Variants in PTPRT observed in about 807,000 individuals in gnomAD.
The protein encoded by PTPRT is receptor-type tyrosine-protein phosphatase T.
PTPRT carries 56 observed loss-of-function variants against 176.8 expected under a neutral mutation model. The observed-to-expected ratio is 0.32, with a 90% confidence interval of 0.26 to 0.40. PTPRT has a LOEUF of 0.40. Among genes scored for constraint, PTPRT ranks in the 10% least tolerant of loss-of-function variants. The probability of loss-of-function intolerance (pLI) is 1.00; values close to 1 mark genes in which losing one functional copy is unlikely to be tolerated. For missense variants in PTPRT, 1,540 were observed against 1,908.2 expected (o/e 0.81, Z 3.60); for synonymous variants, 783 against 739.0 (o/e 1.06, Z -0.96).
intron 14 of PTPRT, among the ~76,000 whole-genome samples, chr20:42,248,476 G>A (rs1362188854): frequency 6.6e-6 from 1 of 152,102 alleles, no homozygotes; most frequent in African/African-American, 2.4e-5. Context: ...ATAAGAAAAT[G>A]GCCACCTCAG....
intron 5 of PTPRT, among the ~76,000 whole-genome samples, chr20:42,769,673 T>G (rs2077034662): frequency 6.6e-6 from 1 of 152,194 alleles, no homozygotes; most frequent in Non-Finnish European, 1.5e-5. Context: ...GACTCACACA[T>G]GCAGGCTCCC....
chr20:42,099,926 C>T (rs1175029923), intron 26 of PTPRT, among the ~76,000 whole-genome samples: 1 of 152,200 alleles, frequency 6.6e-6, no homozygotes, highest in Non-Finnish European at 1.5e-5. Context: ...AACTCTCTAG[C>T]TGTAGACAGC....
At chr20:42,694,734 T>TTTCACTGTGGTTTTAATTTA (rs2075847182) in intron 6 of PTPRT, among the ~76,000 whole-genome samples, 1 of 152,198 alleles carries the variant, frequency 6.6e-6, no homozygotes, top group Admixed American at 6.5e-5. Context: ...TGTAGTGATG[T>TTTCACTGTGGTTTTAATTTA]TTCACTGTGG....
intron 7 of PTPRT, among the ~76,000 whole-genome samples, chr20:42,565,369 A>G (rs2073020598): frequency 6.6e-6 from 1 of 152,148 alleles, no homozygotes; most frequent in Non-Finnish European, 1.5e-5. Context: ...CCCAGGGAGC[A>G]ATTATATTCC....
intron 15 of PTPRT, among the ~76,000 whole-genome samples, chr20:42,205,810 T>C (rs1448550687): frequency 6.6e-6 from 1 of 151,972 alleles, no homozygotes; most frequent in Non-Finnish European, 1.5e-5. Flanking sequence ...ATCTCAGCCA[T>C]AGGAAGTGGA....
At chr20:42,685,141 C>G (rs2075671014) in intron 6 of PTPRT, among the ~76,000 whole-genome samples, 1 of 152,152 alleles carries the variant, frequency 6.6e-6, no homozygotes, top group African/African-American at 2.4e-5. Flanking sequence ...CACAAAAGGT[C>G]TTAAGGGGGA....
rs1568652536 is a variant in PTPRT at position 42,184,597 on chromosome 20, CTTCTTCTTCTTCTTCTT to C, written c.2491+14626_2491+14642del. ...TCTTCTTCTTCTTCTTCTTCTTCCT[CTTCTTCTTCTTCTTCTT>C]CTCCTCCTTCTTCTCCTTCTCTCTC... On this transcript the variant is annotated intron_variant, in intron 16 of 30. Coordinates refer to ENST00000373187, the MANE Select transcript of PTPRT (RefSeq NM_007050.6). Among the ~76,000 whole-genome samples the C allele has an allele frequency of 1.0e-3, 145 of 144,574 alleles. 1 individual carries two copies. Among genetic ancestry groups the C allele is most frequent in the African/African-American group, 3.4e-3 (133 of 38,622 alleles). The allele number at this position is 144,574 out of a possible 152,430, so 94.8% of individuals were successfully genotyped here.
Position 42,077,531 on chromosome 20 carries a change from C to T in PTPRT, c.*3348G>A, listed in dbSNP as rs72626509. 13,143 of 219,186 alleles carry T rather than the reference C, an allele frequency of 0.06. 916 individuals are homozygous for T. Among genetic ancestry groups the T allele is most frequent in the East Asian group, 0.23 (3,514 of 15,058 alleles). 13.6% of individuals were successfully genotyped at this position (219,186 alleles called of 1,614,324 possible). On this transcript the variant is annotated 3_prime_UTR_variant, in exon 31 of 31. Coordinates refer to ENST00000373187, the MANE Select transcript of PTPRT (RefSeq NM_007050.6). ...AAATGGGGTGGGGTGGGGAGACCCCCTGGGGGTGGTGGTGTTGGCTCCGGA... is the reference window on the plus strand; with the variant it reads ...AAATGGGGTGGGGTGGGGAGACCCCTTGGGGGTGGTGGTGTTGGCTCCGGA...
intron 1 of PTPRT, among the ~76,000 whole-genome samples, chr20:43,032,473 T>TAAAAA (rs375146456): frequency 5.2e-4 from 63 of 121,654 alleles, no homozygotes; most frequent in African/African-American, 1.8e-3. Context: ...ATCTTTTCAT[T>TAAAAA]AAAAAAAAAA....
chr20:42,528,921 C>G (rs2072327424), intron 7 of PTPRT, among the ~76,000 whole-genome samples: 1 of 152,206 alleles, frequency 6.6e-6, no homozygotes, highest in African/African-American at 2.4e-5. Context: ...GTGCATCTCA[C>G]CTGTCAGACT....
At chr20:42,855,826 G>A (rs1411766141) in intron 2 of PTPRT, among the ~76,000 whole-genome samples, 1 of 152,126 alleles carries the variant, frequency 6.6e-6, no homozygotes, top group Non-Finnish European at 1.5e-5. Context: ...CTAATTTGAA[G>A]AGAACAAATT....
chr20:42,324,736 G>A (rs1372396418), intron 11 of PTPRT, among the ~76,000 whole-genome samples: 1 of 152,176 alleles, frequency 6.6e-6, no homozygotes, highest in Non-Finnish European at 1.5e-5. Context: ...CCTGCTTAAA[G>A]GTCACTCAGA....
chr20:42,801,809 G>A (rs2077535039), intron 2 of PTPRT, among the ~76,000 whole-genome samples: 1 of 152,208 alleles, frequency 6.6e-6, no homozygotes, highest in Non-Finnish European at 1.5e-5. Flanking sequence ...AGATGAAATA[G>A]CCTGTTTCAA....
chr20:42,525,064 C>T lies in PTPRT; in HGVS notation c.1154-52502G>A, dbSNP rs144336157. On this transcript the variant is annotated intron_variant, in intron 7 of 30. Coordinates refer to ENST00000373187, the MANE Select transcript of PTPRT (RefSeq NM_007050.6). Reference sequence around the variant, plus strand: ...GTGCAGTGGTAAGATTACTGATCACCGCAGCCTGTACCTCCCGGGCCCAAG... The same window carrying T: ...GTGCAGTGGTAAGATTACTGATCACTGCAGCCTGTACCTCCCGGGCCCAAG... Among the ~76,000 whole-genome samples, 698 of 152,166 alleles carry T rather than the reference C, an allele frequency of 4.6e-3. 4 individuals carry two copies. Among genetic ancestry groups the T allele is most frequent in the African/African-American group, 0.016 (665 of 41,516 alleles).
chr20:42,855,623 G>C (rs969175168), intron 2 of PTPRT, among the ~76,000 whole-genome samples: 1 of 151,808 alleles, frequency 6.6e-6, no homozygotes, highest in African/African-American at 2.4e-5. Flanking sequence ...GTAGAGACAT[G>C]GTTTCGCCAT....
At chr20:42,598,694 GA>G (rs113294204) in intron 7 of PTPRT, among the ~76,000 whole-genome samples, 8,679 of 149,090 alleles carry the variant, frequency 0.058, 841 homozygotes, top group African/African-American at 0.19. Context: ...CATACATAGG[GA>G]AAAAAAAAAT....
intron 30 of PTPRT, among the ~76,000 whole-genome samples, chr20:42,081,201 AACGTGCAT>A (rs1236702246): frequency 1.3e-5 from 2 of 152,076 alleles, no homozygotes; most frequent in African/African-American, 4.8e-5. Context: ...CTCAAACTGT[AACGTGCAT>A]ACAAGGCAGC....
intron 9 of PTPRT, among the ~76,000 whole-genome samples, chr20:42,432,382 A>T (rs147544071): frequency 6.6e-6 from 1 of 152,288 alleles, no homozygotes; most frequent in East Asian, 1.9e-4. Flanking sequence ...TTCACTTCCA[A>T]TATCTTTGGT....
In PTPRT at chr20:42,599,247, G is replaced by C. The variant is rs143632417; in HGVS notation, c.1153+78619C>G. 2.3e-3 allele frequency among the ~76,000 whole-genome samples: 350 copies of C among 152,232 alleles called. 7 individuals carry two copies. The highest frequency in any genetic ancestry group is 0.019 in the East Asian group (97 of 5,152). ...ACATTTGCCTGAATATGGAGCAAAA[G>C]CTTTTGAGAGAGAAAACATGACAAC... On this transcript the variant is annotated intron_variant, in intron 7 of 30. Coordinates refer to ENST00000373187, the MANE Select transcript of PTPRT (RefSeq NM_007050.6).
Sources: allele counts gnomAD v4.1 joint callset (sites outside exome capture counted in the v4.1 genomes callset), GRCh38; gene constraint gnomAD v4.1.1; transcripts MANE v1.5; gene names NCBI Gene and HGNC (gene_info 2026-07-23, HGNC 2026-07-21).